The following TXNRD1 variants were observed in gnomAD, a reference collection of about 807,000 sequenced individuals.
TXNRD1 encodes thioredoxin reductase 1.
A neutral mutation model predicts 80.3 loss-of-function variants in TXNRD1; 57 were observed. That is an observed-to-expected ratio of 0.71 (90% CI 0.57 to 0.89). The LOEUF is 0.89. TXNRD1 is among the 40% of genes least tolerant of loss of function. The pLI, the probability that TXNRD1 is intolerant of heterozygous loss-of-function variation, is 0.00. For missense variants in TXNRD1, 730 were observed against 803.0 expected, an observed-to-expected ratio of 0.91 and a Z score of 1.10; for synonymous variants, 291 against 285.2, an observed-to-expected ratio of 1.02 and a Z score of -0.20.
chr12:104,332,581 C>T (rs1380785431), intron 14 of TXNRD1, among the ~76,000 whole-genome samples: 1 of 151,804 alleles, frequency 6.6e-6, no homozygotes, highest in African/African-American at 2.4e-5. Context: ...GAAACCCCAT[C>T]TCTACTAAAA....
rs191306830 is a variant in TXNRD1 at position 104,339,335 on chromosome 12, C to T, written c.1881+62C>T. On this transcript the variant is annotated intron_variant, in intron 16 of 16. Transcript: ENST00000525566. ...AAATGTGCCACATAGAAGCACACCACCCAGCTTATACATGGCAGATGTAGG... is the reference window on the plus strand; with the variant it reads ...AAATGTGCCACATAGAAGCACACCATCCAGCTTATACATGGCAGATGTAGG... 2.4e-4 allele frequency: 376 copies of T among 1,598,864 alleles called. 3 individuals are homozygous for T. In the African/African-American group the frequency reaches 3.1e-3, roughly 13 times the overall value.
intron 2 of TXNRD1, among the ~76,000 whole-genome samples, chr12:104,254,973 T>C (rs113270957): frequency 0.035 from 5,347 of 151,796 alleles, 254 homozygotes; most frequent in African/African-American, 0.11. Flanking sequence ...GGCATGGTGG[T>C]GAATGCCTGT....
intron 5 of TXNRD1, among the ~76,000 whole-genome samples, chr12:104,312,967 G>A (rs1355769515): frequency 6.6e-6 from 1 of 151,964 alleles, no homozygotes; most frequent in Non-Finnish European, 1.5e-5. Flanking sequence ...TTGTTTGAGT[G>A]GAATTATGTG....
At chr12:104,300,833 A>T (rs981108120) in intron 4 of TXNRD1, among the ~76,000 whole-genome samples, 1 of 152,088 alleles carries the variant, frequency 6.6e-6, no homozygotes, top group African/African-American at 2.4e-5. Flanking sequence ...TTTAGTAGAG[A>T]CGTGGTTTCT....
At chr12:104,300,664 ATTTG>A (rs900487555) in intron 4 of TXNRD1, among the ~76,000 whole-genome samples, 5 of 152,154 alleles carry the variant, frequency 3.3e-5, no homozygotes, top group African/African-American at 1.2e-4. Flanking sequence ...CTAAAGGCAG[ATTTG>A]TTTTGTTTTG....
In TXNRD1 at chr12:104,239,372, T is replaced by C. The variant is rs894489850; in HGVS notation, c.92-12155T>C. Among the ~76,000 whole-genome samples, 7 of 152,190 alleles carry C rather than the reference T, an allele frequency of 4.6e-5. No individual in the cohort carries two copies. In the East Asian group the frequency reaches 5.8e-4, roughly 13 times the overall value. On this transcript the variant is annotated intron_variant, in intron 1 of 16. Transcript: ENST00000525566. Reference sequence around the variant, plus strand: ...CTACAACCGGCTAATTTTTTGTCTTTTTAGTAGAGACAGGGTTTCACCATA... The same window carrying C: ...CTACAACCGGCTAATTTTTTGTCTTCTTAGTAGAGACAGGGTTTCACCATA...
intron 3 of TXNRD1, among the ~76,000 whole-genome samples, chr12:104,284,796 GC>G (rs2033939185): frequency 2.6e-5 from 4 of 152,088 alleles, no homozygotes; most frequent in Admixed American, 2.6e-4. Context: ...GAAGGACTAG[GC>G]CCTTAGGGAG....
chr12:104,341,303 G>A (rs991980486), intron 16 of TXNRD1, among the ~76,000 whole-genome samples: 1 of 152,152 alleles, frequency 6.6e-6, no homozygotes, highest in African/African-American at 2.4e-5. Flanking sequence ...TCCCCAAGCT[G>A]TTGGCTGATT....
intron 1 of TXNRD1, among the ~76,000 whole-genome samples, chr12:104,249,425 C>T (rs1387234795): frequency 6.6e-6 from 1 of 152,106 alleles, no homozygotes; most frequent in Non-Finnish European, 1.5e-5. Context: ...AAGGAGATTT[C>T]TATGTTCCTC....
At chr12:104,323,245 T>TC (rs1354749066) in intron 10 of TXNRD1, among the ~76,000 whole-genome samples, 1 of 144,040 alleles carries the variant, frequency 6.9e-6, no homozygotes, top group African/African-American at 2.6e-5. Context: ...CTCAATCTTT[T>TC]CCCCACCTTT....
At chr12:104,304,631 C>G (rs1313071169) in intron 4 of TXNRD1, 2 of 1,613,866 alleles carry the variant, frequency 1.2e-6, no homozygotes, top group Non-Finnish European at 1.7e-6. Flanking sequence ...AACCTACTTT[C>G]GAAAGTATCC....
rs149098143 is a variant in TXNRD1 at position 104,261,320 on chromosome 12, C to T, written c.304+3241C>T. On this transcript the variant is annotated intron_variant, in intron 3 of 16. Transcript: ENST00000525566. ...CTGGGATCACAGGCATGCGCCACCA[C>T]GGCCAATTTATTTTGTATTTTTGGT... Among the ~76,000 whole-genome samples the T allele has an allele frequency of 2.5e-3, 382 of 152,138 alleles. 3 individuals carry two copies. Among genetic ancestry groups the T allele is most frequent in the Middle Eastern group, 0.01 (3 of 294 alleles).
At chr12:104,291,164 T>A in intron 4 of TXNRD1, 1 of 506,428 alleles carries the variant, frequency 2.0e-6, no homozygotes, top group Non-Finnish European at 3.5e-6. Flanking sequence ...TCATTTAGCA[T>A]ATTTCTTAAG....
rs753170700 is a variant in TXNRD1, at chr12:104,215,784, C to G, written c.-19C>G. The G allele has an allele frequency of 6.4e-7, 1 of 1,551,250 alleles. No homozygotes were observed. Among genetic ancestry groups the G allele is most frequent in the East Asian group, 2.4e-5 (1 of 40,926 alleles). ...AGGCGTCCTTCGGCTCCGTCAGTTC[C>G]CACAGGGCCTTGTGCGACATGGGCT... is the stretch of plus-strand genomic sequence containing the variant. On this transcript the variant is annotated 5_prime_UTR_variant, in exon 1 of 17. Transcript: ENST00000525566.
chr12:104,263,916 A>C (rs2033421499), intron 3 of TXNRD1, among the ~76,000 whole-genome samples: 1 of 152,170 alleles, frequency 6.6e-6, no homozygotes, highest in Non-Finnish European at 1.5e-5. Flanking sequence ...TGTTGGAATT[A>C]ATTCTGTTGT....
At chr12:104,298,964 G>T (rs991451464) in intron 4 of TXNRD1, among the ~76,000 whole-genome samples, 2 of 152,108 alleles carry the variant, frequency 1.3e-5, no homozygotes, top group Non-Finnish European at 2.9e-5. Flanking sequence ...CAGGGGATTG[G>T]TTCCAGGACC....
intron 1 of TXNRD1, among the ~76,000 whole-genome samples, chr12:104,239,934 A>G (rs2032823725): frequency 6.6e-6 from 1 of 152,200 alleles, no homozygotes; most frequent in Non-Finnish European, 1.5e-5. Context: ...GACAAACCCC[A>G]CTAGCTCGTG....
In TXNRD1 at chr12:104,310,014, A is replaced by C. The variant is rs558191874; in HGVS notation, c.415-1276A>C. 8 of 1,536,138 alleles carry C rather than the reference A, an allele frequency of 5.2e-6. No individual in the cohort carries two copies. In the African/African-American group the frequency reaches 5.5e-5, roughly 11 times the overall value. ...ACCGCACCCCCTTCCACATCCCAAG[A>C]ACCTTCTTCTTCCGCTGACCCCAAG... On this transcript the variant is annotated intron_variant, in intron 4 of 16. Coordinates refer to ENST00000525566, the MANE Select transcript of TXNRD1 (RefSeq NM_001093771.3).
intron 4 of TXNRD1, chr12:104,304,117 G>A (rs770133655): frequency 3.1e-6 from 5 of 1,614,018 alleles, no homozygotes; most frequent in Admixed American, 1.7e-5. Context: ...TCGTGAGCTC[G>A]GCGAACAACT....
Sources: allele counts gnomAD v4.1 joint callset (sites outside exome capture counted in the v4.1 genomes callset), GRCh38; gene constraint gnomAD v4.1.1; transcripts MANE v1.5; gene names NCBI Gene and HGNC (gene_info 2026-07-23, HGNC 2026-07-21).